The following TRIM55 variants were observed in gnomAD, a reference collection of about 807,000 sequenced individuals.
The protein encoded by TRIM55 is tripartite motif containing 55, also known as tripartite motif-containing protein 55.
In TRIM55, 50 loss-of-function variants were observed where a neutral mutation model predicts 60.9. The observed-to-expected ratio is 0.82, with a 90% CI of 0.65 to 1.04. The LOEUF is 1.04. TRIM55 is among the 50% of genes least tolerant of loss of function. The pLI, the probability that TRIM55 is intolerant of heterozygous loss-of-function variation, is 0.00. For missense variants in TRIM55, 681 were observed against 666.9 expected, an observed-to-expected ratio of 1.02 and a Z score of -0.23; for synonymous variants, 237 against 238.1, an observed-to-expected ratio of 1.00 and a Z score of 0.04.
At chr8:66,134,877 G>T in intron 2 of TRIM55, 113 bp from the exon 3 acceptor site, 1 of 1,133,404 alleles carries the variant, frequency 8.8e-7, no homozygotes. Flanking sequence ...GAATAGAATT[G>T]CTGGGCATAC....
intron 9 of TRIM55, among the ~76,000 whole-genome samples, chr8:66,158,067 A>C (rs1435286230): frequency 1.3e-5 from 2 of 150,300 alleles, no homozygotes; most frequent in Non-Finnish European, 3.0e-5. Context: ...TATTTGGTGG[A>C]TTAACTCAGC....
chr8:66,151,280 C>T, intron 7 of TRIM55, among the ~76,000 whole-genome samples: 1 of 152,150 alleles, frequency 6.6e-6, no homozygotes, highest in East Asian at 1.9e-4. Context: ...CACATTCCTA[C>T]CTTTTGGCCC....
At chr8:66,167,657 G>A (rs1224700510) in intron 9 of TRIM55, among the ~76,000 whole-genome samples, 6 of 152,178 alleles carry the variant, frequency 3.9e-5, no homozygotes, top group African/African-American at 1.2e-4. Flanking sequence ...GCAAGAAGGA[G>A]GCAGCTGATG....
chr8:66,121,664 A>G, the TRIM55 span, among the ~76,000 whole-genome samples: 21 of 152,158 alleles, frequency 1.4e-4, no homozygotes, highest in Admixed American at 1.4e-3. Flanking sequence ...GCTGTTACCA[A>G]TCCAGCTAAC....
intron 4 of TRIM55, among the ~76,000 whole-genome samples, chr8:66,140,750 T>C (rs936014083): frequency 2.0e-5 from 3 of 152,336 alleles, no homozygotes; most frequent in African/African-American, 7.2e-5. Flanking sequence ...TCTACCAGGG[T>C]CAGGGCCACA....
At chr8:66,173,761 G>A (rs978100711) in intron 9 of TRIM55, among the ~76,000 whole-genome samples, 2 of 152,154 alleles carry the variant, frequency 1.3e-5, no homozygotes, top group African/African-American at 2.4e-5. Flanking sequence ...AACAACATAA[G>A]TAAATTTTGC....
intron 7 of TRIM55, among the ~76,000 whole-genome samples, chr8:66,151,583 C>T (rs929849055): frequency 9.2e-5 from 14 of 152,044 alleles, no homozygotes; most frequent in Non-Finnish European, 1.6e-4. Flanking sequence ...AAAAGAGTCA[C>T]GGCATTCCAG....
intron 8 of TRIM55, among the ~76,000 whole-genome samples, chr8:66,153,071 A>T (rs1313751416): frequency 6.6e-6 from 1 of 152,130 alleles, no homozygotes; most frequent in Non-Finnish European, 1.5e-5. Context: ...CAGAGTAAGA[A>T]ATAAAAGTGA....
rs1412748763 is a variant in TRIM55 at position 66,127,198 on chromosome 8, T to C, written c.-71T>C. ...CTTGATCACACAATCCCTGGAATAA[T>C]ATCCAGGAAACACTTGCTGGAGCCA... is the stretch of plus-strand genomic sequence containing the variant. On this transcript the variant is annotated 5_prime_UTR_variant, in exon 1 of 10. Transcript: ENST00000315962. 2.8e-6 allele frequency: 4 copies of C among 1,422,682 alleles called. No homozygotes were observed. Among genetic ancestry groups the C allele is most frequent in the Non-Finnish European group, 3.9e-6 (4 of 1,034,324 alleles). The allele number at this position is 1,422,682 out of a possible 1,614,324, so 88.1% of individuals were successfully genotyped here. A position where few individuals can be genotyped will look rare whatever the true frequency, so the allele number is the denominator to read the frequency against.
intron 4 of TRIM55, among the ~76,000 whole-genome samples, chr8:66,144,487 C>T (rs911827191): frequency 2.6e-5 from 4 of 152,206 alleles, no homozygotes; most frequent in Admixed American, 6.5e-5. Flanking sequence ...AGAGGCTTTG[C>T]ATCAGAGTAT....
upstream of TRIM55, among the ~76,000 whole-genome samples, chr8:66,125,935 G>A (rs150759481): frequency 4.3e-4 from 66 of 152,288 alleles, no homozygotes; most frequent in East Asian, 9.1e-3. Flanking sequence ...CATATAAACA[G>A]ACTTGGATTT....
At chr8:66,164,960 AGGAAGGAAGGAAGGAG>A (rs763606588) in intron 9 of TRIM55, among the ~76,000 whole-genome samples, 1 of 123,814 alleles carries the variant, frequency 8.1e-6, no homozygotes, top group African/African-American at 4.6e-5. Context: ...GAAGGAAGGA[AGGAAGGAAGGAAGGAG>A]GGGACTTATG....
chr8:66,165,466 G>A (rs1472302934), intron 9 of TRIM55, among the ~76,000 whole-genome samples: 1 of 151,764 alleles, frequency 6.6e-6, no homozygotes, highest in Non-Finnish European at 1.5e-5. Flanking sequence ...TTTCCCATGA[G>A]TGTGACTATA....
chr8:66,137,336 T>A lies in TRIM55; in HGVS notation c.603+146T>A, dbSNP rs554989550. 8 of 602,876 alleles carry A rather than the reference T, an allele frequency of 1.3e-5. No individual in the cohort carries two copies. In the East Asian group the frequency reaches 2.3e-4, roughly 18 times the overall value. 37.3% of individuals were successfully genotyped at this position (602,876 alleles called of 1,614,324 possible). On this transcript the variant is annotated intron_variant, in intron 4 of 9. Coordinates refer to ENST00000315962, the MANE Select transcript of TRIM55 (RefSeq NM_184085.2). ...CCTCCTTCCTGATATGTCTCTGAAA[T>A]ATTCACCTCCTGCACAGAAAGAGAC...
intron 3 of TRIM55, among the ~76,000 whole-genome samples, chr8:66,136,558 T>C (rs1809491925): frequency 6.6e-6 from 1 of 152,120 alleles, no homozygotes; most frequent in South Asian, 2.1e-4. Flanking sequence ...AACAATAGAA[T>C]CTCTTCCTAA....
Position 66,127,348 on chromosome 8 carries a change from C to G in TRIM55, c.80C>G (p.Pro27Arg). Reference protein sequence around the residue: ...MDNLEKQLICPICLEMFTKPV... With the variant: ...MDNLEKQLICRICLEMFTKPV... ...AACTTAGAGAAGCAACTCATCTGTC[C>G]CATCTGCTTAGAGATGTTCACGAAA... Residue 27 changes from proline (P) to arginine (R), a missense_variant, in exon 1 of 10, where the codon CCC (proline) becomes CGC (arginine). Pro to Arg is a moderately radical substitution (Grantham distance 103, BLOSUM62 -2). Transcript: ENST00000315962. 1 of 1,614,164 alleles carries G rather than the reference C, an allele frequency of 6.2e-7. No homozygotes were observed. The highest frequency in any genetic ancestry group is 8.5e-7 in the Non-Finnish European group (1 of 1,180,014).
In TRIM55 at chr8:66,159,481, G is replaced by A. The variant is rs548611038; in HGVS notation, c.1524+5147G>A. Among the ~76,000 whole-genome samples the A allele has an allele frequency of 2.0e-5, 3 of 152,332 alleles. No individual in the cohort carries two copies. The East Asian group carries it at 5.8e-4, about 29-fold the overall frequency. The stretch of plus-strand genomic sequence containing the variant: ...TTCTTAGCAGCTTTGGCTATAATAA[G>A]TAAAGCTGCTGTGAACACTCACATA... On this transcript the variant is annotated intron_variant, in intron 9 of 9. Transcript: ENST00000315962.
At position 66,154,179 on chromosome 8, in the gene TRIM55, C is replaced by G; in HGVS notation, c.1369C>G (p.Pro457Ala). ...KGQTRKATTN[P>A]PCTPGSEGLG... ...CCAAACCCGGAAAGCCACCACCAAC[C>G]CACCTTGCACCCCAGGGAGCGAAGG... The change falls in exon 9 of 10, where the codon CCA (proline) becomes GCA (alanine). Residue 457 changes from proline to alanine, a missense_variant. By Grantham distance (27) the Pro-to-Ala change is conservative (BLOSUM62 -1). Transcript: ENST00000315962. 6.2e-7 allele frequency: 1 copy of G among 1,614,104 alleles called. No individual in the cohort carries two copies. The highest frequency in any genetic ancestry group is 8.5e-7 in the Non-Finnish European group (1 of 1,180,004).
the TRIM55 span, among the ~76,000 whole-genome samples, chr8:66,121,879 C>T: frequency 2.0e-5 from 3 of 152,084 alleles, no homozygotes; most frequent in South Asian, 4.1e-4. Flanking sequence ...CATGTCCCTG[C>T]GCAGGCTCAG....
Sources: gnomAD v4.1 joint callset for allele counts (sites outside exome capture counted in the v4.1 genomes callset) on GRCh38, gnomAD v4.1.1 for gene constraint, MANE v1.5 for transcripts, NCBI Gene and HGNC (gene_info 2026-07-23, HGNC 2026-07-21) for gene names.